The following CRACD variants were observed in gnomAD, a reference collection of about 807,000 sequenced individuals.
The protein encoded by CRACD is capping protein inhibiting regulator of actin dynamics.
In CRACD, 56 loss-of-function variants were observed where a neutral mutation model predicts 106.8. That is an observed-to-expected ratio of 0.52 (90% CI 0.42 to 0.66). The LOEUF is 0.66. Ranked by LOEUF, CRACD falls within the 30% of genes least tolerant of loss-of-function variation. CRACD has a pLI of 0.00. For synonymous variants in CRACD, 754 were observed against 670.8 expected, an observed-to-expected ratio of 1.12 and a Z score of -1.92; for missense variants, 1,730 against 1,623.2, an observed-to-expected ratio of 1.07 and a Z score of -1.13.
intron 2 of CRACD, among the ~76,000 whole-genome samples, chr4:56,255,481 T>TA (rs10564197): frequency 0.04 from 5,909 of 147,440 alleles, 256 homozygotes; most frequent in African/African-American, 0.11. Flanking sequence ...ACTGACTCTT[T>TA]AAAAAAAAAA....
chr4:56,110,682 C>T (rs1285606031), intron 1 of CRACD, among the ~76,000 whole-genome samples: 2 of 152,086 alleles, frequency 1.3e-5, no homozygotes, highest in Non-Finnish European at 2.9e-5. Context: ...CTGGTACCTC[C>T]GTTTCCCACG....
chr4:56,194,407 A>T (rs1429673076), intron 2 of CRACD, among the ~76,000 whole-genome samples: 2 of 152,228 alleles, frequency 1.3e-5, no homozygotes, highest in Non-Finnish European at 2.9e-5. Flanking sequence ...AAGGAATCAA[A>T]ATTGAATAAG....
intron 1 of CRACD, among the ~76,000 whole-genome samples, chr4:56,063,780 G>C (rs1431818800): frequency 6.6e-6 from 1 of 152,070 alleles, no homozygotes; most frequent in East Asian, 1.9e-4. Flanking sequence ...TTCTGCCTTT[G>C]GGCTACTCTG....
intron 2 of CRACD, among the ~76,000 whole-genome samples, chr4:56,181,987 T>G (rs898151525): frequency 1.3e-5 from 2 of 152,152 alleles, no homozygotes; most frequent in South Asian, 4.1e-4. Flanking sequence ...CACAGCTACC[T>G]TAAATAATAA....
In CRACD at chr4:56,096,153, A is replaced by G. The variant is rs1041944268; in HGVS notation, c.-336+46854A>G. ...AGAGATGTAGAAAAGGCAGAGGAAT[A>G]TATAAAGCTGGAATCTTAGGGAGAG... On this transcript the variant is annotated intron_variant, in intron 1 of 10. Coordinates refer to ENST00000682029, the MANE Select transcript of CRACD (RefSeq NM_001393381.1). 1.2e-4 allele frequency among the ~76,000 whole-genome samples: 19 copies of G among 152,308 alleles called. 2 individuals are homozygous for G. Among genetic ancestry groups the G allele is most frequent in the Admixed American group, 9.8e-4 (15 of 15,290 alleles).
chr4:56,128,679 A>T (rs1577680860), intron 1 of CRACD, among the ~76,000 whole-genome samples: 2 of 152,202 alleles, frequency 1.3e-5, no homozygotes, highest in East Asian at 3.8e-4. Flanking sequence ...AGGAGAGAGG[A>T]TGCTTTGAGC....
intron 2 of CRACD, among the ~76,000 whole-genome samples, chr4:56,247,157 C>CT (rs1031521770): frequency 6.6e-6 from 1 of 152,122 alleles, no homozygotes; most frequent in African/African-American, 2.4e-5. Context: ...AGAAGCAAGG[C>CT]TAAAACCCAC....
At chr4:56,309,385 A>G (rs1744973896) in intron 5 of CRACD, among the ~76,000 whole-genome samples, 1 of 152,194 alleles carries the variant, frequency 6.6e-6, no homozygotes, top group Admixed American at 6.5e-5. Context: ...GGAAGGGAAG[A>G]AAAGACTCTT....
In CRACD at chr4:56,301,355, G is replaced by C. The variant is rs867148966; in HGVS notation, c.120+3006G>C. 17 of 601,626 alleles carry C rather than the reference G, an allele frequency of 2.8e-5. No individual in the cohort carries two copies. In the Admixed American group the frequency reaches 5.0e-4, roughly 18 times the overall value. 37.3% of individuals were successfully genotyped at this position (601,626 alleles called of 1,614,324 possible). The stretch of plus-strand genomic sequence containing the variant: ...TGCTTAGTAAGCAGCCTAAGAGACC[G>C]CCCCCTTGTAGATGCCAGCATGGAA... On this transcript the variant is annotated intron_variant, in intron 4 of 10. Transcript: ENST00000682029.
chr4:56,123,888 C>A (rs1035345134), intron 1 of CRACD, among the ~76,000 whole-genome samples: 1 of 152,176 alleles, frequency 6.6e-6, no homozygotes, highest in Admixed American at 6.5e-5. Flanking sequence ...AACCATGTTT[C>A]CTGACTAACC....
chr4:56,211,363 C>T lies in CRACD; in HGVS notation c.-189+31933C>T, dbSNP rs532109158. On this transcript the variant is annotated intron_variant, in intron 2 of 10. Coordinates refer to ENST00000682029, the MANE Select transcript of CRACD (RefSeq NM_001393381.1). ...CAGGCCTAGCTTGGCCATACTGCCTCCTGCAGGAGGAGGCCTGCCCACTCC... is the reference window on the plus strand; with the variant it reads ...CAGGCCTAGCTTGGCCATACTGCCTTCTGCAGGAGGAGGCCTGCCCACTCC... 3.3e-5 allele frequency among the ~76,000 whole-genome samples: 5 copies of T among 152,240 alleles called. No homozygotes were observed. The East Asian group carries it at 5.8e-4, about 18-fold the overall frequency.
At chr4:56,052,772 T>C (rs1454134136) in intron 1 of CRACD, among the ~76,000 whole-genome samples, 1 of 152,094 alleles carries the variant, frequency 6.6e-6, no homozygotes, top group Non-Finnish European at 1.5e-5. Context: ...AACTGAGTTC[T>C]CTCTGATCCC....
chr4:56,211,788 G>A (rs771764140), intron 2 of CRACD, among the ~76,000 whole-genome samples: 2 of 152,176 alleles, frequency 1.3e-5, no homozygotes, highest in Non-Finnish European at 2.9e-5. Flanking sequence ...GGGAAGGATA[G>A]GTATGTGTAA....
intron 2 of CRACD, among the ~76,000 whole-genome samples, chr4:56,213,008 A>G (rs1738486193): frequency 6.6e-6 from 1 of 152,148 alleles, no homozygotes; most frequent in Non-Finnish European, 1.5e-5. Context: ...ACCGTGCCCC[A>G]GTTGCTGCAC....
chr4:56,145,194 G>A (rs1048160611), intron 1 of CRACD, among the ~76,000 whole-genome samples: 1 of 152,084 alleles, frequency 6.6e-6, no homozygotes, highest in Non-Finnish European at 1.5e-5. Flanking sequence ...TATTCCAAGT[G>A]CTCCATATTC....
At chr4:56,086,831 A>G (rs967444621) in intron 1 of CRACD, among the ~76,000 whole-genome samples, 1 of 152,108 alleles carries the variant, frequency 6.6e-6, no homozygotes, top group Non-Finnish European at 1.5e-5. Context: ...CTTTGATCCT[A>G]GAACCACTTT....
chr4:56,167,728 A>G (rs748250108), intron 1 of CRACD, among the ~76,000 whole-genome samples: 8 of 152,226 alleles, frequency 5.3e-5, no homozygotes, highest in Non-Finnish European at 1.0e-4. Context: ...GACTATTCAC[A>G]AAACCAATAT....
intron 1 of CRACD, among the ~76,000 whole-genome samples, chr4:56,099,256 G>A (rs911187584): frequency 6.6e-6 from 1 of 152,140 alleles, no homozygotes; most frequent in Non-Finnish European, 1.5e-5. Context: ...ACCTTATTCA[G>A]GTACAATTTT....
At chr4:56,096,641 A>AAG (rs1472095223) in intron 1 of CRACD, among the ~76,000 whole-genome samples, 4 of 151,886 alleles carry the variant, frequency 2.6e-5, no homozygotes, top group African/African-American at 9.7e-5. Context: ...TAAAAAAAAA[A>AAG]AGAGAATAGA....
Sources: gnomAD v4.1 joint callset for allele counts (sites outside exome capture counted in the v4.1 genomes callset) on GRCh38, gnomAD v4.1.1 for gene constraint, MANE v1.5 for transcripts, NCBI Gene and HGNC (gene_info 2026-07-23, HGNC 2026-07-21) for gene names.